NTM: variants seen among roughly 807,000 people sequenced by gnomAD.
NTM encodes neurotrimin.
A neutral mutation model predicts 42.1 loss-of-function variants in NTM; 13 were observed. That is an observed-to-expected ratio of 0.31 (90% CI 0.20 to 0.49). The LOEUF (loss-of-function observed/expected upper bound fraction) is 0.49, where lower values mean the gene tolerates loss of function less well. Ranked by LOEUF, NTM falls within the 20% of genes least tolerant of loss-of-function variation. NTM has a pLI of 0.99. For missense variants in NTM, 373 were observed against 452.8 expected, an observed-to-expected ratio of 0.82 and a Z score of 1.60; for synonymous variants, 187 against 179.2, an observed-to-expected ratio of 1.04 and a Z score of -0.35.
chr11:131,715,003 A>G (rs1011103997), intron 1 of NTM, among the ~76,000 whole-genome samples: 1 of 152,234 alleles, frequency 6.6e-6, no homozygotes, highest in Admixed American at 6.5e-5. Context: ...GCTTCCTAAT[A>G]AAGAAGCAAA....
At chr11:132,232,945 C>T (rs1259043812) in intron 4 of NTM, among the ~76,000 whole-genome samples, 1 of 152,186 alleles carries the variant, frequency 6.6e-6, no homozygotes, top group Non-Finnish European at 1.5e-5. Flanking sequence ...TTTGCTAACT[C>T]CTGCATTTAT....
chr11:131,481,403 A>AG lies in NTM; in HGVS notation c.82+110517dup, dbSNP rs138532621. Among the ~76,000 whole-genome samples the AG allele has an allele frequency of 1.0e-3, 157 of 152,316 alleles. 1 individual carries two copies. The highest frequency in any genetic ancestry group is 1.4e-3 in the Non-Finnish European group (94 of 68,028). The stretch of plus-strand genomic sequence containing the variant: ...CAAAGGCTTGGAGAAGGTGAGTCAT[A>AG]GGACTGACCCCAGTTTGGGAAGACG... On this transcript the variant is annotated intron_variant, in intron 1 of 8. Coordinates refer to ENST00000683400, the MANE Select transcript of NTM (RefSeq NM_001352005.2).
chr11:131,732,317 T>G (rs1394766861), intron 1 of NTM, among the ~76,000 whole-genome samples: 1 of 152,226 alleles, frequency 6.6e-6, no homozygotes, highest in Non-Finnish European at 1.5e-5. Context: ...GTCCCTATTT[T>G]CTGTTCATCT....
At chr11:131,676,196 G>A (rs2071350534) in intron 1 of NTM, among the ~76,000 whole-genome samples, 1 of 152,186 alleles carries the variant, frequency 6.6e-6, no homozygotes, top group Non-Finnish European at 1.5e-5. Flanking sequence ...GGTGAACATA[G>A]GGAAGAGAAA....
intron 1 of NTM, among the ~76,000 whole-genome samples, chr11:131,666,741 C>G (rs545425800): frequency 2.0e-5 from 3 of 152,244 alleles, no homozygotes; most frequent in Non-Finnish European, 4.4e-5. Context: ...GCAACAGAGA[C>G]GTCCAGGGTC....
chr11:131,381,572 A>T (rs1172821166), intron 1 of NTM, among the ~76,000 whole-genome samples: 1 of 152,032 alleles, frequency 6.6e-6, no homozygotes, highest in Non-Finnish European at 1.5e-5. Context: ...CATACTGCTA[A>T]CTCCTTGTCC....
Position 131,694,494 on chromosome 11 carries a change from G to T in NTM, c.83-217070G>T, listed in dbSNP as rs184994712. On this transcript the variant is annotated intron_variant, in intron 1 of 8. Coordinates refer to ENST00000683400, the MANE Select transcript of NTM (RefSeq NM_001352005.2). ...GGCTTAGGTCTGCACCCAGCTCAGA[G>T]TAGGGGGAGTTGCCGGAGAAGTCCT... Among the ~76,000 whole-genome samples the T allele has an allele frequency of 1.7e-3, 258 of 152,366 alleles. 1 individual carries two copies. The highest frequency in any genetic ancestry group is 6.0e-3 in the African/African-American group (251 of 41,594).
chr11:131,663,531 T>C (rs2068467144), intron 1 of NTM: 1 of 152,298 alleles, frequency 6.6e-6, no homozygotes, highest in Non-Finnish European at 1.5e-5. Flanking sequence ...ACTGAGAGGG[T>C]TTCTGCTTCT....
intron 2 of NTM, among the ~76,000 whole-genome samples, chr11:132,038,777 C>A (rs2076814418): frequency 6.6e-6 from 1 of 152,162 alleles, no homozygotes; most frequent in Non-Finnish European, 1.5e-5. Context: ...TTTAATCAGG[C>A]AAGTTGGGCC....
intron 1 of NTM, among the ~76,000 whole-genome samples, chr11:131,653,054 T>G (rs2134361073): frequency 6.6e-6 from 1 of 152,346 alleles, no homozygotes. Flanking sequence ...TTTGACGAGC[T>G]GCTGCAATTT....
intron 3 of NTM, among the ~76,000 whole-genome samples, chr11:132,173,782 C>T (rs567853577): frequency 6.6e-6 from 1 of 152,290 alleles, no homozygotes. Flanking sequence ...AGTCAGGCCT[C>T]CCAGCTGCAG....
chr11:131,834,596 G>A (rs571548666), intron 1 of NTM, among the ~76,000 whole-genome samples: 3 of 124,392 alleles, frequency 2.4e-5, no homozygotes, highest in South Asian at 2.5e-4. Context: ...AAGCATCTTC[G>A]GAATAGTGTG....
At chr11:131,674,226 C>T (rs1342295764) in intron 1 of NTM, among the ~76,000 whole-genome samples, 1 of 152,074 alleles carries the variant, frequency 6.6e-6, no homozygotes, top group Non-Finnish European at 1.5e-5. Flanking sequence ...GCTTGGCCAC[C>T]GCCTACACTG....
chr11:132,228,126 G>GA (rs1184075487), intron 4 of NTM, among the ~76,000 whole-genome samples: 1 of 152,174 alleles, frequency 6.6e-6, no homozygotes, highest in Non-Finnish European at 1.5e-5. Context: ...GAGAAGCTCT[G>GA]AAGGGAGTGG....
At chr11:132,215,768 A>T (rs937716231) in intron 4 of NTM, among the ~76,000 whole-genome samples, 2 of 152,216 alleles carry the variant, frequency 1.3e-5, no homozygotes, top group African/African-American at 4.8e-5. Flanking sequence ...CTTTTTAAAG[A>T]TTCCTGCCCT....
At chr11:132,254,907 C>T (rs1451393056) in intron 4 of NTM, among the ~76,000 whole-genome samples, 1 of 152,146 alleles carries the variant, frequency 6.6e-6, no homozygotes, top group African/African-American at 2.4e-5. Context: ...GGGCAACACC[C>T]CTTATCTCTA....
chr11:131,981,978 C>T (rs181340213), intron 2 of NTM, among the ~76,000 whole-genome samples: 9 of 152,134 alleles, frequency 5.9e-5, no homozygotes, highest in Admixed American at 5.2e-4. Context: ...CACCACTGCA[C>T]TCCAGCCTGG....
At chr11:131,551,125 C>T (rs2054609265) in intron 1 of NTM, among the ~76,000 whole-genome samples, 2 of 152,202 alleles carry the variant, frequency 1.3e-5, no homozygotes. Flanking sequence ...TTTGCCTCTG[C>T]CTCTGCAGTA....
At chr11:131,651,659 G>T (rs1328643038) in intron 1 of NTM, among the ~76,000 whole-genome samples, 4 of 152,056 alleles carry the variant, frequency 2.6e-5, no homozygotes, top group African/African-American at 9.7e-5. Flanking sequence ...GGCGAACATG[G>T]TGAAACCCTG....
Sources: gnomAD v4.1 joint callset for allele counts (sites outside exome capture counted in the v4.1 genomes callset) on GRCh38, gnomAD v4.1.1 for gene constraint, MANE v1.5 for transcripts, NCBI Gene and HGNC (gene_info 2026-07-23, HGNC 2026-07-21) for gene names.